ARRDC2: variants seen among roughly 807,000 people sequenced by gnomAD.
ARRDC2 encodes the protein arrestin domain-containing protein 2.
ARRDC2 carries 39 observed loss-of-function variants against 38.9 expected under a neutral mutation model. The observed-to-expected ratio is 1.00, with a 90% CI of 0.78 to 1.31. The LOEUF is 1.31. Among genes scored for constraint, ARRDC2 ranks in the 50% most tolerant of loss-of-function variants. The pLI is 0.00. For missense variants in ARRDC2, 553 were observed against 588.4 expected, an observed-to-expected ratio of 0.94 and a Z score of 0.62; for synonymous variants, 300 against 261.9, an observed-to-expected ratio of 1.15 and a Z score of -1.41.
upstream of ARRDC2, among the ~76,000 whole-genome samples, chr19:18,003,469 T>G (rs2145995618): frequency 6.6e-6 from 1 of 150,846 alleles, no homozygotes; most frequent in South Asian, 2.1e-4. Flanking sequence ...TGTTTTGTTT[T>G]TCTGAGACAG....
At chr19:18,010,383 C>T in intron 6 of ARRDC2, 25 bp downstream of exon 6, 1 of 1,599,896 alleles carries the variant, frequency 6.3e-7, no homozygotes. Flanking sequence ...TGCTTGCATG[C>T]AGAGGGTGGG....
In ARRDC2 at chr19:18,010,563, C is replaced by T. The variant is rs377112087; in HGVS notation, c.1013-9C>T. ...TGCCAACCTCACCCACCCTGTCTCT[C>T]GCTTCCAGCTCCTCCTGAGTACTCG... is the stretch of plus-strand genomic sequence containing the variant. On this transcript the variant is annotated splice_polypyrimidine_tract_variant and intron_variant, in intron 6 of 7. Transcript: ENST00000222250. The T allele has an allele frequency of 2.2e-5, 35 of 1,613,106 alleles. No individual in the cohort carries two copies. Among genetic ancestry groups the T allele is most frequent in the African/African-American group, 5.3e-5 (4 of 74,940 alleles).
chr19:18,008,152 G>T, upstream of ARRDC2: 1 of 1,086,386 alleles, frequency 9.2e-7, no homozygotes, highest in South Asian at 1.6e-5. Flanking sequence ...TAAAAGCGGC[G>T]CCGACGCACG....
chr19:18,001,582 C>G (rs2033187690), intron 1 of ARRDC2: 5 of 1,315,274 alleles, frequency 3.8e-6, no homozygotes, highest in Middle Eastern at 2.9e-4. Flanking sequence ...AGGTGAGACA[C>G]TCGTCGCGCC....
chr19:18,008,114 T>TGTGGGGGGG, upstream of ARRDC2: 1 of 1,056,198 alleles, frequency 9.5e-7, no homozygotes. Context: ...GAAGAGACGG[T>TGTGGGGGGG]GACCCCACCC....
intron 3 of ARRDC2, chr19:18,009,381 AC>A: frequency 1.6e-6 from 1 of 628,302 alleles, no homozygotes; most frequent in Non-Finnish European, 2.8e-6. Flanking sequence ...AGTGTGAATT[AC>A]ACACCAAACA....
rs774002258 is a variant in ARRDC2, at chr19:18,009,885, C to T, written c.695C>T (p.Ala232Val). 17 of 1,610,720 alleles carry T rather than the reference C, an allele frequency of 1.1e-5. No individual in the cohort carries two copies. Among genetic ancestry groups the T allele is most frequent in the Non-Finnish European group, 1.4e-5 (17 of 1,179,726 alleles). ...ACACAGACGTTCATGGCCCGAGGCG[C>T]CCGAAAGCAGAAACGGGCAGTGGTG... The part of the protein sequence containing the change: ...VQTQTFMARG[A>V]RKQKRAVVAS... Residue 232 changes from alanine (A) to valine (V), a missense_variant, in exon 5 of 8, where the codon GCC becomes GTC. Ala to Val is a moderately conservative substitution (Grantham distance 64). This residue lies in a region of ARRDC2 where 447 missense variants were observed against 456.6 expected (regional missense o/e 0.98). Transcript: ENST00000222250.
upstream of ARRDC2, among the ~76,000 whole-genome samples, chr19:18,003,804 T>C (rs1013915662): frequency 6.6e-6 from 1 of 151,926 alleles, no homozygotes; most frequent in Admixed American, 6.5e-5. Context: ...CACGCCCGGC[T>C]AATTTTTTGT....
chr19:18,012,962 G>A lies in ARRDC2; in HGVS notation c.1220G>A (p.Cys407Tyr). The change falls in exon 8 of 8, where the codon TGC (cysteine) becomes TAC (tyrosine). Residue 407 changes from cysteine (C) to tyrosine (Y), a missense_variant. Transcript: ENST00000222250. ...LGDMRPRCMT[C>Y] Reference sequence around the variant, plus strand: ...GACATGAGGCCGCGCTGCATGACTTGCTGAACGGCACAGGGACCCCTCGAG... The same window carrying A: ...GACATGAGGCCGCGCTGCATGACTTACTGAACGGCACAGGGACCCCTCGAG... 5.0e-6 allele frequency: 8 copies of A among 1,613,928 alleles called. No individual in the cohort carries two copies. The highest frequency in any genetic ancestry group is 2.2e-5 in the East Asian group (1 of 44,864).
At chr19:18,011,903 A>T (rs530083097) in intron 7 of ARRDC2, among the ~76,000 whole-genome samples, 5 of 149,960 alleles carry the variant, frequency 3.3e-5, no homozygotes, top group Middle Eastern at 3.5e-3. Flanking sequence ...ACAGTGATTA[A>T]ATAGCATTTA....
At chr19:18,009,152 G>A (rs749995145) in intron 3 of ARRDC2, 34 bp downstream of exon 3, 14 of 1,609,012 alleles carry the variant, frequency 8.7e-6, no homozygotes, top group South Asian at 4.4e-5. Context: ...TAGGTTGGGA[G>A]TATTGTAGGA....
chr19:18,005,911 G>A (rs1178724236), upstream of ARRDC2, among the ~76,000 whole-genome samples: 1 of 150,654 alleles, frequency 6.6e-6, no homozygotes, highest in African/African-American at 2.4e-5. Flanking sequence ...CTTCTCAGAC[G>A]GGGCGGCCGG....
At chr19:18,006,210 C>T (rs547492764), upstream of ARRDC2, among the ~76,000 whole-genome samples, 23 of 152,000 alleles carry the variant, frequency 1.5e-4, no homozygotes, top group East Asian at 4.5e-3. Flanking sequence ...ACGCTCCTCA[C>T]TTCCCAGACG....
At chr19:18,007,893 T>C (rs1465558588), upstream of ARRDC2, 3 of 283,838 alleles carry the variant, frequency 1.1e-5, no homozygotes, top group East Asian at 2.9e-4. Context: ...ACCTCAGGCC[T>C]GGGCCCTGCC....
At chr19:18,011,151 C>T (rs1026380210) in intron 7 of ARRDC2, among the ~76,000 whole-genome samples, 1 of 152,166 alleles carries the variant, frequency 6.6e-6, no homozygotes, top group Non-Finnish European at 1.5e-5. Context: ...GTGTTAGCCA[C>T]CACACGTGGC....
intron 7 of ARRDC2, among the ~76,000 whole-genome samples, chr19:18,011,926 G>A (rs1188416550): frequency 1.9e-5 from 2 of 107,232 alleles, no homozygotes; most frequent in South Asian, 3.2e-4. Flanking sequence ...TTTTGTGTGT[G>A]TATATGTGTA....
At position 18,010,700 on chromosome 19, in the gene ARRDC2, C is replaced by T. The variant is rs757322276; in HGVS notation, c.1141C>T (p.Arg381Cys). The change falls in exon 7 of 8, where the codon CGC becomes TGC. Residue 381 changes from arginine (R) to cysteine (C), a missense_variant. Coordinates refer to ENST00000222250, the MANE Select transcript of ARRDC2 (RefSeq NM_015683.2). ...GTTCTTCGCCTACATCCAAGAGTTC[C>T]GCTACCGCCCGCCACCCCTGTACTC... ...GPFFAYIQEFRYRPPPLYSEE... is the reference protein window; with the variant it reads ...GPFFAYIQEFCYRPPPLYSEE... 11 of 1,613,690 alleles carry T rather than the reference C, an allele frequency of 6.8e-6. No homozygotes were observed. Among genetic ancestry groups the T allele is most frequent in the Non-Finnish European group, 9.3e-6 (11 of 1,180,042 alleles).
At position 18,009,933 on chromosome 19, in the gene ARRDC2, T is replaced by TG; in HGVS notation, c.746dup (p.Gly251ArgfsTer87). The TG allele has an allele frequency of 6.2e-7, 1 of 1,606,234 alleles. No individual in the cohort carries two copies. Among genetic ancestry groups the TG allele is most frequent in the Non-Finnish European group, 8.5e-7 (1 of 1,178,798 alleles). On this transcript the variant is annotated frameshift_variant, in exon 5 of 8. Transcript: ENST00000222250. LOFTEE classifies it high-confidence loss of function. ...GTGGCCAGCCTCGCGGGCGAGCCGG[T>TG]GGGCCCCGGGCAGCGGGCGCTGTGG... is the stretch of plus-strand genomic sequence containing the variant.
chr19:18,011,464 G>A (rs373526489), intron 7 of ARRDC2, among the ~76,000 whole-genome samples: 3 of 152,230 alleles, frequency 2.0e-5, no homozygotes, highest in South Asian at 2.1e-4. Context: ...ACAGAATTTC[G>A]CTACATACAG....
Sources: allele counts gnomAD v4.1 joint callset (sites outside exome capture counted in the v4.1 genomes callset), GRCh38; gene constraint gnomAD v4.1.1; regional missense constraint gnomAD v4.1.1; transcripts MANE v1.5; gene names NCBI Gene and HGNC (gene_info 2026-07-23, HGNC 2026-07-21).